Variants in ERC2 observed in about 807,000 individuals in gnomAD.
The protein encoded by ERC2 is ELKS/RAB6-interacting/CAST family member 2.
A neutral mutation model predicts 114.8 loss-of-function variants in ERC2; 42 were observed. The ratio of observed to expected loss-of-function variants is 0.37; its 90% confidence interval spans 0.29 to 0.47. The LOEUF (loss-of-function observed/expected upper bound fraction) is 0.47. Among genes scored for constraint, ERC2 ranks in the 20% least tolerant of loss-of-function variants. ERC2 has a pLI of 0.99. For synonymous variants in ERC2, 454 were observed against 425.5 expected, an observed-to-expected ratio of 1.07 and a Z score of -0.82; for missense variants, 939 against 1,150.7, an observed-to-expected ratio of 0.82 and a Z score of 2.66.
chr3:55,583,559 TC>T (rs1298457141), intron 17 of ERC2, among the ~76,000 whole-genome samples: 2 of 125,224 alleles, frequency 1.6e-5, no homozygotes, highest in Non-Finnish European at 3.4e-5. Context: ...CTTCCTTCCT[TC>T]CTTCCTTCCT....
intron 14 of ERC2, among the ~76,000 whole-genome samples, chr3:55,794,241 T>A (rs932596327): frequency 6.6e-6 from 1 of 152,112 alleles, no homozygotes; most frequent in Non-Finnish European, 1.5e-5. Flanking sequence ...GCCAGGAAAA[T>A]CTTTATCTCT....
chr3:55,568,054 G>T (rs2056483100), intron 17 of ERC2, among the ~76,000 whole-genome samples: 1 of 152,140 alleles, frequency 6.6e-6, no homozygotes, highest in African/African-American at 2.4e-5. Flanking sequence ...GCAGGGAGAT[G>T]CTGTATATTA....
chr3:56,260,473 A>T (rs2052842083), intron 3 of ERC2, among the ~76,000 whole-genome samples: 1 of 152,226 alleles, frequency 6.6e-6, no homozygotes, highest in Non-Finnish European at 1.5e-5. Context: ...AGCAATTCAC[A>T]GTGGCTCCCA....
At chr3:55,619,161 A>G (rs2059235722) in intron 17 of ERC2, among the ~76,000 whole-genome samples, 1 of 152,222 alleles carries the variant, frequency 6.6e-6, no homozygotes, top group Non-Finnish European at 1.5e-5. Flanking sequence ...TAAGTACGGC[A>G]CTTGCCAACT....
intron 11 of ERC2, among the ~76,000 whole-genome samples, chr3:55,988,553 C>A (rs886909759): frequency 6.6e-6 from 1 of 152,164 alleles, no homozygotes; most frequent in African/African-American, 2.4e-5. Context: ...ACACATACTG[C>A]CTTCTGAGAG....
At chr3:55,674,975 T>A (rs1017405010) in intron 17 of ERC2, among the ~76,000 whole-genome samples, 2 of 152,170 alleles carry the variant, frequency 1.3e-5, no homozygotes, top group South Asian at 4.1e-4. Context: ...AGGCTCAGCA[T>A]CTCAGTGATT....
At chr3:55,874,050 G>GCTTA (rs1441137771) in intron 14 of ERC2, among the ~76,000 whole-genome samples, 1 of 152,222 alleles carries the variant, frequency 6.6e-6, no homozygotes, top group East Asian at 1.9e-4. Context: ...GAGAAGGAGC[G>GCTTA]CTTAGCTTGC....
chr3:56,342,989 C>T (rs183998429), intron 2 of ERC2, among the ~76,000 whole-genome samples: 1 of 152,242 alleles, frequency 6.6e-6, no homozygotes, highest in Admixed American at 6.5e-5. Flanking sequence ...TCACCCCATT[C>T]AAGCCAGGGC....
At chr3:56,299,119 GTT>G (rs1162614631) in intron 2 of ERC2, among the ~76,000 whole-genome samples, 1 of 108,134 alleles carries the variant, frequency 9.2e-6, no homozygotes, top group African/African-American at 4.0e-5. Flanking sequence ...TTTTTTTTTT[GTT>G]TTTTTTTTTG....
chr3:55,966,473 T>C lies in ERC2; in HGVS notation c.2268-15913A>G, dbSNP rs189047865. On this transcript the variant is annotated intron_variant, in intron 12 of 17. Coordinates refer to ENST00000288221, the MANE Select transcript of ERC2 (RefSeq NM_015576.3). ...GCCTAAGCATGTATGCCATAGAATG[T>C]AGCATTTGATCAGCATCTCTTTGGA... 4.7e-4 allele frequency among the ~76,000 whole-genome samples: 72 copies of C among 152,318 alleles called. 3 individuals carry two copies. In the East Asian group the frequency reaches 0.012, roughly 26 times the overall value.
intron 14 of ERC2, among the ~76,000 whole-genome samples, chr3:55,765,204 C>T: frequency 6.6e-6 from 1 of 152,132 alleles, no homozygotes; most frequent in African/African-American, 2.4e-5. Flanking sequence ...CAGACCAGGG[C>T]CCATATGTGA....
chr3:56,215,703 C>T (rs2049416020), intron 3 of ERC2, among the ~76,000 whole-genome samples: 2 of 152,198 alleles, frequency 1.3e-5, no homozygotes, highest in Admixed American at 1.3e-4. Flanking sequence ...CTTCTCAACA[C>T]CACACTGCGC....
chr3:56,126,453 C>T (rs1331613588), intron 6 of ERC2, among the ~76,000 whole-genome samples: 1 of 152,118 alleles, frequency 6.6e-6, no homozygotes, highest in Non-Finnish European at 1.5e-5. Context: ...GAATGGACTC[C>T]AACTAGTTTG....
intron 14 of ERC2, among the ~76,000 whole-genome samples, chr3:55,860,356 C>G (rs2061977135): frequency 6.6e-6 from 1 of 152,196 alleles, no homozygotes; most frequent in Non-Finnish European, 1.5e-5. Context: ...GAGGCCATCT[C>G]TCCAAGCTGG....
At chr3:55,562,593 T>C (rs1401421286) in intron 17 of ERC2, among the ~76,000 whole-genome samples, 4 of 152,210 alleles carry the variant, frequency 2.6e-5, no homozygotes, top group East Asian at 3.8e-4. Context: ...TTTTGCATAC[T>C]CTGCTTGCAA....
At chr3:55,791,054 T>C (rs2069970354) in intron 14 of ERC2, among the ~76,000 whole-genome samples, 1 of 152,228 alleles carries the variant, frequency 6.6e-6, no homozygotes, top group Non-Finnish European at 1.5e-5. Flanking sequence ...GAGAACTGTT[T>C]AAAATTGCAG....
At chr3:55,903,685 T>C (rs2064268214) in intron 13 of ERC2, among the ~76,000 whole-genome samples, 1 of 152,238 alleles carries the variant, frequency 6.6e-6, no homozygotes, top group South Asian at 2.1e-4. Context: ...CACCTCTATC[T>C]GGGCAATAGT....
At chr3:55,883,867 A>G (rs2063233756) in intron 14 of ERC2, among the ~76,000 whole-genome samples, 1 of 151,374 alleles carries the variant, frequency 6.6e-6, no homozygotes, top group Non-Finnish European at 1.5e-5. Flanking sequence ...CAGCCTGGGC[A>G]ACAGAGTGAG....
At chr3:55,902,536 G>A (rs1266953947) in intron 13 of ERC2, among the ~76,000 whole-genome samples, 1 of 152,174 alleles carries the variant, frequency 6.6e-6, no homozygotes, top group Non-Finnish European at 1.5e-5. Flanking sequence ...CACCACATGA[G>A]CAAGGCTGAC....
Sources: gnomAD v4.1 joint callset for allele counts (sites outside exome capture counted in the v4.1 genomes callset) on GRCh38, gnomAD v4.1.1 for gene constraint, MANE v1.5 for transcripts, NCBI Gene and HGNC (gene_info 2026-07-23, HGNC 2026-07-21) for gene names.